LAMA4: variants seen among roughly 807,000 people sequenced by gnomAD.
LAMA4 encodes laminin subunit alpha 4.
In LAMA4, 127 loss-of-function variants were observed where a neutral mutation model predicts 207.1. The observed-to-expected ratio is 0.61, with a 90% CI of 0.53 to 0.71. The LOEUF (loss-of-function observed/expected upper bound fraction) is 0.71, where lower values mean the gene tolerates loss of function less well. Among genes scored for constraint, LAMA4 ranks in the 30% least tolerant of loss-of-function variants. The probability of loss-of-function intolerance (pLI) is 0.00; values close to 1 mark genes in which losing one functional copy is unlikely to be tolerated. For missense variants in LAMA4, 2,093 were observed against 2,246.5 expected, an observed-to-expected ratio of 0.93 and a Z score of 1.38; for synonymous variants, 761 against 816.0, an observed-to-expected ratio of 0.93 and a Z score of 1.15.
chr6:112,170,805 G>A (rs961555895), intron 12 of LAMA4, among the ~76,000 whole-genome samples: 21 of 152,218 alleles, frequency 1.4e-4, no homozygotes, highest in African/African-American at 4.8e-4. Context: ...TGCAAGACAT[G>A]TTACAGGATT....
At chr6:112,199,107 T>C (rs1165433493) in intron 5 of LAMA4, among the ~76,000 whole-genome samples, 1 of 152,182 alleles carries the variant, frequency 6.6e-6, no homozygotes, top group Non-Finnish European at 1.5e-5. Flanking sequence ...TGACCCAGCC[T>C]TACTGGGTAA....
chr6:112,200,300 A>T, intron 5 of LAMA4: 1 of 387,620 alleles, frequency 2.6e-6, no homozygotes, highest in Non-Finnish European at 5.1e-6. Context: ...ATCACTGGTC[A>T]TTAGAGAAAT....
chr6:112,130,862 TAACA>T, intron 29 of LAMA4, 102 bp downstream of exon 29: 1 of 1,246,006 alleles, frequency 8.0e-7, no homozygotes, highest in South Asian at 1.2e-5. Flanking sequence ...ATTTTTGTTT[TAACA>T]TTAGAAAAGT....
intron 18 of LAMA4, among the ~76,000 whole-genome samples, chr6:112,146,067 A>G (rs1554334449): frequency 6.6e-6 from 1 of 152,192 alleles, no homozygotes; most frequent in South Asian, 2.1e-4. Flanking sequence ...AGGCTGGTGG[A>G]TCACCTGAGG....
intron 5 of LAMA4, among the ~76,000 whole-genome samples, chr6:112,195,689 T>C (rs1484369356): frequency 1.3e-5 from 2 of 152,306 alleles, no homozygotes; most frequent in African/African-American, 2.4e-5. Flanking sequence ...ACATGATCAA[T>C]CATCATGTAG....
intron 11 of LAMA4, among the ~76,000 whole-genome samples, chr6:112,173,931 C>A (rs1320851673): frequency 2.0e-5 from 3 of 151,968 alleles, no homozygotes; most frequent in African/African-American, 4.8e-5. Flanking sequence ...ATTTAAAAAC[C>A]AAATGTAATA....
intron 37 of LAMA4, among the ~76,000 whole-genome samples, 193 bp from the exon 38 acceptor site, chr6:112,114,388 A>C (rs765685480): frequency 1.1e-4 from 16 of 152,220 alleles, no homozygotes; most frequent in Non-Finnish European, 1.8e-4. Context: ...TTTCCTTAGA[A>C]AGGGAGAATA....
chr6:112,154,483 C>T (rs1554336438), intron 16 of LAMA4, among the ~76,000 whole-genome samples: 1 of 151,732 alleles, frequency 6.6e-6, no homozygotes, highest in African/African-American at 2.4e-5. Context: ...CGAAATTGTT[C>T]AAGAAAGAGG....
chr6:112,178,892 G>A (rs1782182269), intron 9 of LAMA4: 1 of 152,492 alleles, frequency 6.6e-6, no homozygotes, highest in African/African-American at 2.4e-5. Flanking sequence ...GCTGACTGAA[G>A]AGCTTAAAGT....
chr6:112,140,286 ATCT>A (rs1204168489), intron 22 of LAMA4, among the ~76,000 whole-genome samples: 7 of 152,180 alleles, frequency 4.6e-5, no homozygotes, highest in African/African-American at 1.7e-4. Context: ...TCAACTTCCC[ATCT>A]TCTTCGACCT....
chr6:112,151,081 CAA>C (rs34835643), intron 16 of LAMA4, among the ~76,000 whole-genome samples: 46,897 of 151,812 alleles, frequency 0.31, 7,741 homozygotes, highest in African/African-American at 0.43. Flanking sequence ...CACAGCTTGA[CAA>C]AAATGTTCAC....
intron 2 of LAMA4, among the ~76,000 whole-genome samples, chr6:112,231,217 C>T (rs1412191939): frequency 1.1e-4 from 16 of 152,068 alleles, no homozygotes; most frequent in African/African-American, 2.4e-4. Context: ...AGGAAAGTGC[C>T]ATTGTCATCA....
chr6:112,224,917 C>T (rs1785125390), intron 2 of LAMA4, among the ~76,000 whole-genome samples: 1 of 150,538 alleles, frequency 6.6e-6, no homozygotes, highest in East Asian at 1.9e-4. Context: ...TGGCTTTTCC[C>T]CTGCCTACCT....
chr6:112,250,303 C>T (rs1787346159), intron 2 of LAMA4, among the ~76,000 whole-genome samples: 1 of 152,124 alleles, frequency 6.6e-6, no homozygotes, highest in African/African-American at 2.4e-5. Context: ...AAACATTCTG[C>T]AATCTTTTAA....
At chr6:112,141,023 T>G in intron 21 of LAMA4, 101 bp from the exon 22 acceptor site, 1 of 999,006 alleles carries the variant, frequency 1.0e-6, no homozygotes, top group African/African-American at 1.6e-5. Context: ...ATGGGTAATT[T>G]TGTGACACTA....
intron 12 of LAMA4, chr6:112,166,364 T>C (rs1781382896): frequency 6.6e-6 from 1 of 152,212 alleles, no homozygotes; most frequent in Non-Finnish European, 1.5e-5. Context: ...TCAAGCCTAA[T>C]ACAGTGTGAC....
Position 112,132,866 on chromosome 6 carries a change from C to T in LAMA4, c.3721G>A (p.Gly1241Arg), listed in dbSNP as rs1779121239. 2 of 1,613,144 alleles carry T rather than the reference C, an allele frequency of 1.2e-6. No homozygotes were observed. The highest frequency in any genetic ancestry group is 1.7e-6 in the Non-Finnish European group (2 of 1,179,352). ...SLISRRAYFNGQSFIASIQKI... is the reference protein window; with the variant it reads ...SLISRRAYFNRQSFIASIQKI... ...TGAATTGAAGCAATGAAGCTCTGTC[C>T]ATTGAAATATGCTCTGCGAGATATC... Residue 1241 changes from glycine (G) to arginine (R), a missense_variant, in exon 28 of 39, where the codon GGA becomes AGA. Gly to Arg is a moderately radical substitution (Grantham distance 125, BLOSUM62 -2). Around this residue, in one of 3 missense-constraint regions of LAMA4, gnomAD observed 1,704 missense variants for 1,788.4 expected, o/e 0.95. Coordinates refer to ENST00000230538, the MANE Select transcript of LAMA4 (RefSeq NM_001105206.3).
At chr6:112,185,797 C>A (rs1782650405) in intron 8 of LAMA4, among the ~76,000 whole-genome samples, 1 of 152,182 alleles carries the variant, frequency 6.6e-6, no homozygotes, top group South Asian at 2.1e-4. Flanking sequence ...CCCTGGCTTT[C>A]TCCTTTTTCA....
chr6:112,246,520 C>CTTTTTTTT (rs11364561), intron 2 of LAMA4, among the ~76,000 whole-genome samples: 1 of 127,842 alleles, frequency 7.8e-6, no homozygotes, highest in African/African-American at 3.0e-5. Flanking sequence ...ATCAAAGCTG[C>CTTTTTTTT]TTTTTTTTTT....
Sources: allele counts gnomAD v4.1 joint callset (sites outside exome capture counted in the v4.1 genomes callset), GRCh38; gene constraint gnomAD v4.1.1; regional missense constraint gnomAD v4.1.1; transcripts MANE v1.5; gene names NCBI Gene and HGNC (gene_info 2026-07-23, HGNC 2026-07-21).